Variants in OSBPL10 observed in about 807,000 individuals in gnomAD.
OSBPL10 encodes the protein oxysterol binding protein like 10.
OSBPL10 carries 49 observed loss-of-function variants against 81.7 expected under a neutral mutation model. That is an observed-to-expected ratio of 0.60 (90% confidence interval 0.48 to 0.76). The LOEUF is 0.76. OSBPL10 is among the 30% of genes least tolerant of loss of function. OSBPL10 has a pLI of 0.00. For missense variants in OSBPL10, 923 were observed against 987.8 expected (o/e 0.93, Z 0.88); for synonymous variants, 419 against 383.6 (o/e 1.09, Z -1.08).
intron 1 of OSBPL10, among the ~76,000 whole-genome samples, chr3:31,972,732 G>C (rs1575071082): frequency 6.6e-6 from 1 of 152,130 alleles, no homozygotes; most frequent in East Asian, 1.9e-4. Flanking sequence ...AAACATCCTG[G>C]AAAAGAGTGA....
chr3:31,908,858 G>C (rs1696495021), intron 1 of OSBPL10, among the ~76,000 whole-genome samples: 1 of 152,206 alleles, frequency 6.6e-6, no homozygotes, highest in Non-Finnish European at 1.5e-5. Context: ...TCCCCCTGGG[G>C]AACTGCAAGT....
chr3:31,734,772 C>T (rs1158998100), intron 5 of OSBPL10, among the ~76,000 whole-genome samples: 1 of 152,112 alleles, frequency 6.6e-6, no homozygotes, highest in African/African-American at 2.4e-5. Context: ...AAGTCTCAAG[C>T]TCAGTTGACT....
chr3:31,702,381 T>A lies in OSBPL10; in HGVS notation c.1223A>T (p.Lys408Ile). ...SIILHLISQL[K>I]LGMDLTKVVL... The stretch of plus-strand genomic sequence containing the variant: ...TACCTTGGTCAAATCCATTCCAAGT[T>A]TGAGTTGTGAAATGAGATGAAGAAT... The change falls in exon 7 of 12, where the codon AAA becomes ATA. Residue 408 changes from lysine (K) to isoleucine (I), a missense_variant. Lys to Ile is a moderately radical substitution (Grantham distance 102, BLOSUM62 -3). Around this residue, in one of 3 missense-constraint regions of OSBPL10, gnomAD observed 22 missense variants for 43.4 expected, o/e 0.51. Transcript: ENST00000396556. 6.2e-7 allele frequency: 1 copy of A among 1,614,094 alleles called. No individual in the cohort carries two copies. The highest frequency in any genetic ancestry group is 8.5e-7 in the Non-Finnish European group (1 of 1,179,984).
At chr3:31,985,976 G>T (rs188309964), upstream of OSBPL10, among the ~76,000 whole-genome samples, 7 of 152,276 alleles carry the variant, frequency 4.6e-5, no homozygotes, top group East Asian at 1.4e-3. Context: ...TTCAACTTAG[G>T]CAATTTGGCT....
intron 2 of OSBPL10, among the ~76,000 whole-genome samples, chr3:32,008,361 C>T (rs1699224115): frequency 6.6e-6 from 1 of 151,698 alleles, no homozygotes. Context: ...CCATGTTGGC[C>T]AGGCTGGTCT....
At chr3:31,882,675 A>ACGTG (rs1695617709) in intron 1 of OSBPL10, among the ~76,000 whole-genome samples, 1 of 152,192 alleles carries the variant, frequency 6.6e-6, no homozygotes, top group Admixed American at 6.5e-5. Flanking sequence ...ACACGCACAC[A>ACGTG]CACACACACA....
chr3:31,824,196 A>C (rs1700047276), intron 4 of OSBPL10, among the ~76,000 whole-genome samples: 1 of 152,126 alleles, frequency 6.6e-6, no homozygotes, highest in Non-Finnish European at 1.5e-5. Flanking sequence ...TGGTCAATGA[A>C]AGCAGTTGGG....
chr3:31,933,530 G>A (rs939791064), intron 1 of OSBPL10, among the ~76,000 whole-genome samples: 2 of 151,482 alleles, frequency 1.3e-5, no homozygotes, highest in South Asian at 2.1e-4. Flanking sequence ...TCACCCTCCC[G>A]AGCAGTAGTG....
chr3:31,882,669 G>A (rs189995548), intron 1 of OSBPL10, among the ~76,000 whole-genome samples: 4 of 150,482 alleles, frequency 2.7e-5, no homozygotes, highest in East Asian at 3.9e-4. Context: ...GTGCACACAC[G>A]CACACACACA....
intron 1 of OSBPL10, among the ~76,000 whole-genome samples, chr3:32,056,469 T>C (rs1481088973): frequency 6.6e-6 from 1 of 152,246 alleles, no homozygotes; most frequent in Non-Finnish European, 1.5e-5. Flanking sequence ...ATATTGCTGT[T>C]GTACTCTTTG....
chr3:31,993,877 A>G (rs1388869108), intron 2 of OSBPL10, among the ~76,000 whole-genome samples: 1 of 152,216 alleles, frequency 6.6e-6, no homozygotes, highest in Non-Finnish European at 1.5e-5. Flanking sequence ...TTATACAAAT[A>G]TAATGAAAAC....
At chr3:31,771,135 C>T (rs139939933) in intron 4 of OSBPL10, among the ~76,000 whole-genome samples, 17 of 152,306 alleles carry the variant, frequency 1.1e-4, no homozygotes, top group East Asian at 9.7e-4. Flanking sequence ...GCAAGTGTTA[C>T]GTAAGTGTTT....
At chr3:31,740,725 C>T (rs1697315319) in intron 5 of OSBPL10, among the ~76,000 whole-genome samples, 1 of 151,370 alleles carries the variant, frequency 6.6e-6, no homozygotes, top group Non-Finnish European at 1.5e-5. Context: ...TATGATTGTG[C>T]CTGTGAAGAG....
At chr3:32,004,698 AC>A (rs775496336) in intron 2 of OSBPL10, among the ~76,000 whole-genome samples, 7 of 152,210 alleles carry the variant, frequency 4.6e-5, no homozygotes, top group Non-Finnish European at 1.0e-4. Flanking sequence ...TACCAAGAGA[AC>A]AACAGAGAAG....
chr3:31,783,730 G>A (rs1162429111), intron 4 of OSBPL10, among the ~76,000 whole-genome samples: 1 of 140,508 alleles, frequency 7.1e-6, no homozygotes, highest in African/African-American at 2.6e-5. Context: ...GGCGGAGGTT[G>A]CAGTGAGCTG....
chr3:31,719,525 T>G (rs1380070588), intron 6 of OSBPL10, among the ~76,000 whole-genome samples: 1 of 152,116 alleles, frequency 6.6e-6, no homozygotes, highest in Non-Finnish European at 1.5e-5. Flanking sequence ...ATACCATTAA[T>G]CTTAAAAATA....
At chr3:32,066,001 AAGAAAGAG>A (rs1699775598) in intron 1 of OSBPL10, among the ~76,000 whole-genome samples, 1 of 58,062 alleles carries the variant, frequency 1.7e-5, no homozygotes, top group Non-Finnish European at 4.3e-5. Context: ...GAAAGAAAGA[AAGAAAGAG>A]AAAGAAAGAA....
chr3:31,929,096 A>T (rs1697163383), intron 1 of OSBPL10, among the ~76,000 whole-genome samples: 1 of 152,206 alleles, frequency 6.6e-6, no homozygotes, highest in Non-Finnish European at 1.5e-5. Context: ...TAGGTCATAC[A>T]TCATTGCCAT....
At chr3:31,882,875 T>A (rs1295972634) in intron 1 of OSBPL10, among the ~76,000 whole-genome samples, 1 of 152,152 alleles carries the variant, frequency 6.6e-6, no homozygotes, top group Non-Finnish European at 1.5e-5. Context: ...AACAAAGACA[T>A]AAAAAACCCT....
Sources: allele counts gnomAD v4.1 joint callset (sites outside exome capture counted in the v4.1 genomes callset), GRCh38; gene constraint gnomAD v4.1.1; regional missense constraint gnomAD v4.1.1; transcripts MANE v1.5; gene names NCBI Gene and HGNC (gene_info 2026-07-23, HGNC 2026-07-21).